Variants in PTPRN2 observed in about 807,000 individuals in gnomAD.
PTPRN2 encodes the protein protein tyrosine phosphatase receptor type N2, also known as receptor-type tyrosine-protein phosphatase N2.
A neutral mutation model predicts 118.8 loss-of-function variants in PTPRN2; 74 were observed. The ratio of observed to expected loss-of-function variants is 0.62; its 90% confidence interval spans 0.52 to 0.76. PTPRN2 has a LOEUF of 0.76. Ranked by LOEUF, PTPRN2 falls within the 30% of genes least tolerant of loss-of-function variation. The pLI is 0.00. For missense variants in PTPRN2, 1,481 were observed against 1,394.4 expected (o/e 1.06, Z -0.99); for synonymous variants, 641 against 608.0 (o/e 1.05, Z -0.80).
Position 157,610,359 on chromosome 7 carries a change from C to T in PTPRN2, c.2345-6284G>A, listed in dbSNP as rs1802258873. Among the ~76,000 whole-genome samples, 1 of 152,242 alleles carries T rather than the reference C, an allele frequency of 6.6e-6. No homozygotes were observed. Among genetic ancestry groups the T allele is most frequent in the Non-Finnish European group, 1.5e-5 (1 of 68,048 alleles). ...CTTTCTGTGAAGGTTTAGGCTCAGT[C>T]ATTTATGCTGGCAGGAGGCCCTCTT... On this transcript the variant is annotated intron_variant, in intron 15 of 22. Transcript: ENST00000389418. This position sits in a 1 kb window ranked among gnomAD's most constrained non-coding sequence, Gnocchi z 5.1.
At chr7:158,389,743 G>A (rs189919013) in intron 2 of PTPRN2, among the ~76,000 whole-genome samples, 37 of 152,324 alleles carry the variant, frequency 2.4e-4, no homozygotes, top group East Asian at 7.7e-4. Context: ...ATCACGCGTC[G>A]CATTCCCAGA....
chr7:158,382,663 C>T (rs1043909205), intron 2 of PTPRN2, among the ~76,000 whole-genome samples: 1 of 152,084 alleles, frequency 6.6e-6, no homozygotes, highest in Non-Finnish European at 1.5e-5. Flanking sequence ...GGAGTGCAAA[C>T]CCCATTGTGA....
chr7:157,750,691 G>A (rs1173539622), intron 12 of PTPRN2, among the ~76,000 whole-genome samples: 1 of 152,272 alleles, frequency 6.6e-6, no homozygotes, highest in Non-Finnish European at 1.5e-5. Context: ...GAGGCTTTCA[G>A]TTGTCCTCTC....
At position 157,619,126 on chromosome 7, in the gene PTPRN2, AC is replaced by A. The variant is rs373705283; in HGVS notation, c.2344+2235del. ...ACCATCACTAGGTCCCTCGCCCCCAACCCCCCCATCCACACTGTACAGACAG... is the reference window on the plus strand; with the variant it reads ...ACCATCACTAGGTCCCTCGCCCCCAACCCCCCATCCACACTGTACAGACAG... On this transcript the variant is annotated intron_variant, in intron 15 of 22. Transcript: ENST00000389418. This position sits in a 1 kb window ranked among gnomAD's most constrained non-coding sequence, Gnocchi z 5.3. Among the ~76,000 whole-genome samples the A allele has an allele frequency of 1.3e-5, 2 of 150,136 alleles. No homozygotes were observed. The highest frequency in any genetic ancestry group is 3.0e-5 in the Non-Finnish European group (2 of 67,512).
chr7:157,546,588 T>A (rs1376709524), intron 22 of PTPRN2, among the ~76,000 whole-genome samples: 6 of 152,240 alleles, frequency 3.9e-5, no homozygotes, highest in South Asian at 2.1e-4. Flanking sequence ...CCCATCCATG[T>A]CGCTGTAAAG....
chr7:158,502,159 G>A (rs1257302962), intron 1 of PTPRN2, among the ~76,000 whole-genome samples: 1 of 152,136 alleles, frequency 6.6e-6, no homozygotes, highest in Non-Finnish European at 1.5e-5. Flanking sequence ...GGCTTGCTCT[G>A]GGGTAGGCAA....
At chr7:157,667,938 CT>C (rs1796224544) in intron 13 of PTPRN2, among the ~76,000 whole-genome samples, 1 of 152,238 alleles carries the variant, frequency 6.6e-6, no homozygotes, top group South Asian at 2.1e-4. Flanking sequence ...GCACCCTGCC[CT>C]GGGCAGAGTC....
At chr7:157,865,610 G>C (rs577273718) in intron 12 of PTPRN2, 1 of 152,318 alleles carries the variant, frequency 6.6e-6, no homozygotes, top group African/African-American at 2.4e-5. Flanking sequence ...GACCCTCAGC[G>C]AGTGCCAGGA....
intron 12 of PTPRN2, among the ~76,000 whole-genome samples, chr7:157,851,541 G>T (rs1275480425): frequency 6.6e-6 from 1 of 152,196 alleles, no homozygotes; most frequent in South Asian, 2.1e-4. Context: ...GTAAGAAAGG[G>T]TGAAGGATCC....
At chr7:158,342,170 CCAT>C (rs1806992726) in intron 2 of PTPRN2, among the ~76,000 whole-genome samples, 1 of 147,108 alleles carries the variant, frequency 6.8e-6, no homozygotes, top group Admixed American at 6.8e-5. Flanking sequence ...CACACTCTCA[CCAT>C]AAGAGCCGAC....
chr7:158,385,573 C>G (rs1010635285), intron 2 of PTPRN2, among the ~76,000 whole-genome samples: 14 of 152,304 alleles, frequency 9.2e-5, no homozygotes, highest in African/African-American at 3.4e-4. Flanking sequence ...TAAACAATTA[C>G]ATTAATGATA....
At chr7:158,443,708 C>CA (rs1817528852) in intron 2 of PTPRN2, among the ~76,000 whole-genome samples, 1 of 152,190 alleles carries the variant, frequency 6.6e-6, no homozygotes, top group Non-Finnish European at 1.5e-5. Context: ...CAGGGGTGCC[C>CA]ATGAGGTCCT....
chr7:158,327,426 C>T (rs1392263115), intron 2 of PTPRN2, among the ~76,000 whole-genome samples: 3 of 150,130 alleles, frequency 2.0e-5, no homozygotes, highest in African/African-American at 5.0e-5. Flanking sequence ...TACACGTTCT[C>T]ACACACATTC....
intron 12 of PTPRN2, among the ~76,000 whole-genome samples, chr7:157,762,485 A>G (rs185042359): frequency 1.7e-4 from 26 of 151,716 alleles, no homozygotes; most frequent in Admixed American, 1.4e-3. Context: ...TCAGTAAACT[A>G]TCGCAAAAAC....
chr7:157,575,712 T>C (rs549802685), intron 19 of PTPRN2, among the ~76,000 whole-genome samples: 1 of 152,290 alleles, frequency 6.6e-6, no homozygotes, highest in Admixed American at 6.5e-5. Flanking sequence ...CGAGAATGAG[T>C]AACTGTTAAG....
rs1035584901 is a variant in PTPRN2, at chr7:157,587,287, C to T, written c.2496+7951G>A. 2.0e-5 allele frequency among the ~76,000 whole-genome samples: 3 copies of T among 151,988 alleles called. No homozygotes were observed. Among genetic ancestry groups the T allele is most frequent in the South Asian group, 2.1e-4 (1 of 4,802 alleles). ...GCAGACAAACAGGCAGACAGGCAGA[C>T]GAGCCACTGGTGCCGGGTGGTGGGC... On this transcript the variant is annotated intron_variant, in intron 17 of 22. Coordinates refer to ENST00000389418, the MANE Select transcript of PTPRN2 (RefSeq NM_002847.5). The surrounding 1 kb of genome is among the most constrained non-coding windows in gnomAD (Gnocchi z 5.3).
intron 1 of PTPRN2, among the ~76,000 whole-genome samples, chr7:158,490,630 G>A (rs1041785599): frequency 1.3e-5 from 2 of 152,254 alleles, no homozygotes; most frequent in Non-Finnish European, 2.9e-5. Context: ...AACCGGGAGG[G>A]CCCCAGGGCC....
intron 12 of PTPRN2, among the ~76,000 whole-genome samples, chr7:157,722,389 G>C (rs1479331587): frequency 6.6e-6 from 1 of 152,238 alleles, no homozygotes; most frequent in African/African-American, 2.4e-5. Context: ...GATGGAGCCA[G>C]GGCCAGGGGC....
intron 1 of PTPRN2, among the ~76,000 whole-genome samples, chr7:158,567,876 A>G (rs1468857222): frequency 2.6e-5 from 4 of 152,096 alleles, no homozygotes; most frequent in Admixed American, 1.3e-4. Flanking sequence ...GGCCATCCCA[A>G]CTCCAAGTCT....
Sources: allele counts gnomAD v4.1 joint callset (sites outside exome capture counted in the v4.1 genomes callset), GRCh38; gene constraint gnomAD v4.1.1; non-coding constraint Gnocchi (gnomAD v3.1); transcripts MANE v1.5; gene names NCBI Gene and HGNC (gene_info 2026-07-23, HGNC 2026-07-21).